Variants in P2RX5 observed in about 807,000 individuals in gnomAD.
P2RX5 encodes the protein purinergic receptor P2X 5.
P2RX5 carries 46 observed loss-of-function variants against 54.1 expected under a neutral mutation model. The observed-to-expected ratio is 0.85, with a 90% CI of 0.67 to 1.09. The LOEUF is 1.09. P2RX5 is among the 50% of genes least tolerant of loss of function. P2RX5 has a pLI of 0.00. For missense variants in P2RX5, 566 were observed against 549.8 expected, an observed-to-expected ratio of 1.03 and a Z score of -0.29; for synonymous variants, 226 against 226.4, an observed-to-expected ratio of 1.00 and a Z score of 0.02.
chr17:3,678,220 C>T (rs1428381945), intron 11 of P2RX5: 2 of 387,662 alleles, frequency 5.2e-6, no homozygotes, highest in Non-Finnish European at 3.5e-6. Flanking sequence ...GAGGCAGCAA[C>T]GCTCCTGGCA....
At chr17:3,711,406 G>A in the P2RX5 span, among the ~76,000 whole-genome samples, 6 of 68,970 alleles carry the variant, frequency 8.7e-5, no homozygotes, top group African/African-American at 7.9e-4. Context: ...TTTTTGAGAC[G>A]GAGTCTCGCT....
the P2RX5 span, among the ~76,000 whole-genome samples, chr17:3,701,696 G>GAAAAAAAAAAAAAAAAAA: frequency 5.4e-5 from 4 of 73,428 alleles, no homozygotes; most frequent in South Asian, 1.0e-3. Flanking sequence ...CTCTGTCTCA[G>GAAAAAAAAAAAAAAAAAA]AAAAAAAAAA....
chr17:3,713,320 A>C, the P2RX5 span, among the ~76,000 whole-genome samples: 2 of 152,186 alleles, frequency 1.3e-5, no homozygotes, highest in East Asian at 3.8e-4. Context: ...TGACTGCATC[A>C]CTGCCCTCCA....
intron 10 of P2RX5, among the ~76,000 whole-genome samples, 193 bp downstream of exon 10, chr17:3,681,703 G>A (rs543543185): frequency 2.0e-4 from 30 of 152,294 alleles, no homozygotes; most frequent in Admixed American, 6.5e-4. Context: ...GGCCCACAGC[G>A]CCCTCTCCTC....
At chr17:3,723,752 G>C in the P2RX5 span, 2 of 1,606,944 alleles carry the variant, frequency 1.2e-6, no homozygotes, top group South Asian at 1.1e-5. Flanking sequence ...GGCCTGAAAC[G>C]AGAGCCATGA....
intron 11 of P2RX5, chr17:3,676,358 T>C (rs149245): frequency 0.41 from 401,640 of 984,580 alleles, 84,288 homozygotes; most frequent in African/African-American, 0.65. Context: ...CACACGAGTT[T>C]TCGGCAAAAT....
At position 3,689,571 on chromosome 17, in the gene P2RX5, T is replaced by G. The variant is rs559083812; in HGVS notation, c.674A>C (p.Lys225Thr). ...SFLKSCHFGP[K>T]NHYCPIFRLG... is the part of the protein sequence containing the mutation. ...TCGGAAGATGGGGCAGTAGTGGTTC[T>G]TGGGGCCAAAGTGGCATGATTTCAG... The change falls in exon 7 of 12, where the codon AAG (lysine) becomes ACG (threonine). Residue 225 changes from lysine (K) to threonine (T), a missense_variant. Coordinates refer to ENST00000225328, the MANE Select transcript of P2RX5 (RefSeq NM_002561.4). 4 of 1,614,194 alleles carry G rather than the reference T, an allele frequency of 2.5e-6. No homozygotes were observed. The South Asian group carries it at 4.4e-5, about 18-fold the overall frequency.
At chr17:3,691,133 G>A (rs950516646) in intron 2 of P2RX5, 106 bp from the exon 3 acceptor site, 7 of 812,480 alleles carry the variant, frequency 8.6e-6, no homozygotes, top group East Asian at 5.2e-5. Flanking sequence ...TGGGTTTTGG[G>A]GATAATGGGG....
intron 11 of P2RX5, among the ~76,000 whole-genome samples, chr17:3,679,129 A>G (rs1193092054): frequency 6.6e-6 from 1 of 152,150 alleles, no homozygotes; most frequent in Non-Finnish European, 1.5e-5. Context: ...CATCCTACAG[A>G]CACTGCCGGG....
In P2RX5 at chr17:3,688,083, C is replaced by G. The variant is rs745382034; in HGVS notation, c.910G>C (p.Ala304Pro). 1.2e-6 allele frequency: 2 copies of G among 1,604,058 alleles called. No homozygotes were observed. Among genetic ancestry groups the G allele is most frequent in the African/African-American group, 1.3e-5 (1 of 74,484 alleles). Residue 304 changes from alanine to proline, a missense_variant, in exon 9 of 12, where the codon GCA (alanine) becomes CCA (proline). Physicochemically the swap from Ala to Pro is conservative, Grantham distance 27. Coordinates refer to ENST00000225328, the MANE Select transcript of P2RX5 (RefSeq NM_002561.4). ...AGGGTGCGGAACTCCACCCCGGCTGCGTCTCGGTAATATCTGGCAAATCTG... is the reference window on the plus strand; with the variant it reads ...AGGGTGCGGAACTCCACCCCGGCTGGGTCTCGGTAATATCTGGCAAATCTG... ...NFRFARYYRD[A>P]AGVEFRTLMK... is the part of the protein sequence containing the mutation.
intron 3 of P2RX5, 56 bp from the exon 4 acceptor site, chr17:3,690,736 TC>T: frequency 6.4e-7 from 1 of 1,559,858 alleles, no homozygotes; most frequent in Non-Finnish European, 8.8e-7. Flanking sequence ...CAGAGCCGGG[TC>T]CCACTCCAGG....
At chr17:3,713,938 ATTTTT>A in the P2RX5 span, among the ~76,000 whole-genome samples, 2 of 150,548 alleles carry the variant, frequency 1.3e-5, no homozygotes, top group African/African-American at 4.9e-5. Flanking sequence ...ACAATCGATA[ATTTTT>A]TTTTGAGACA....
rs1870508598 is a variant in P2RX5 at position 3,673,567 on chromosome 17, G to A, written c.*301C>T. On this transcript the variant is annotated 3_prime_UTR_variant, in exon 12 of 12. Coordinates refer to ENST00000225328, the MANE Select transcript of P2RX5 (RefSeq NM_002561.4). The stretch of plus-strand genomic sequence containing the variant: ...GCTGAGGTGCTCAAGGACTCCGGAA[G>A]GAAGTCATGTTCCCCATTTACAACC... 3 of 1,364,568 alleles carry A rather than the reference G, an allele frequency of 2.2e-6. No individual in the cohort carries two copies. The highest frequency in any genetic ancestry group is 2.8e-6 in the Non-Finnish European group (3 of 1,055,806). 84.5% of individuals were successfully genotyped at this position (1,364,568 alleles called of 1,614,324 possible). A position where few individuals can be genotyped will look rare whatever the true frequency, so the allele number is the denominator to read the frequency against.
At chr17:3,691,862 T>TG in intron 1 of P2RX5, 68 bp from the exon 2 acceptor site, 1 of 1,539,462 alleles carries the variant, frequency 6.5e-7, no homozygotes, top group Non-Finnish European at 9.0e-7. Flanking sequence ...CCCCAGGCCT[T>TG]GGGGTGGGGT....
chr17:3,684,235 G>A (rs751999308), intron 9 of P2RX5, among the ~76,000 whole-genome samples: 50 of 152,354 alleles, frequency 3.3e-4, no homozygotes, highest in Middle Eastern at 3.4e-3. Flanking sequence ...CAGCCAGCTG[G>A]GATTTTGCTC....
At chr17:3,674,244 G>A (rs752205079) in intron 11 of P2RX5, among the ~76,000 whole-genome samples, 13 of 152,058 alleles carry the variant, frequency 8.5e-5, no homozygotes, top group Non-Finnish European at 1.5e-4. Context: ...CCGGGAGGCG[G>A]AGCTTGCAGT....
the P2RX5 span, among the ~76,000 whole-genome samples, chr17:3,711,837 G>A: frequency 1.3e-5 from 2 of 152,234 alleles, no homozygotes; most frequent in African/African-American, 2.4e-5. Flanking sequence ...TGGGACTACA[G>A]GTGTATGCCA....
At chr17:3,691,256 G>A (rs1042579200) in intron 2 of P2RX5, among the ~76,000 whole-genome samples, 1 of 152,240 alleles carries the variant, frequency 6.6e-6, no homozygotes, top group Non-Finnish European at 1.5e-5. Flanking sequence ...CAGGATCCGG[G>A]AGAAGTGGGC....
intron 10 of P2RX5, among the ~76,000 whole-genome samples, chr17:3,681,065 C>T (rs1212466794): frequency 6.6e-6 from 1 of 152,018 alleles, no homozygotes; most frequent in Non-Finnish European, 1.5e-5. Flanking sequence ...CTGCATCCTC[C>T]ACCCAGCGTC....
Sources: allele counts gnomAD v4.1 joint callset (sites outside exome capture counted in the v4.1 genomes callset), GRCh38; gene constraint gnomAD v4.1.1; transcripts MANE v1.5; gene names NCBI Gene and HGNC (gene_info 2026-07-23, HGNC 2026-07-21).